NKAIN3: variants seen among roughly 807,000 people sequenced by gnomAD.
NKAIN3 encodes the protein sodium/potassium-transporting ATPase subunit beta-1-interacting protein 3.
Under a neutral mutation model 30.2 loss-of-function variants are expected in NKAIN3, and 25 were observed. The observed-to-expected ratio is 0.83, with a 90% CI of 0.60 to 1.16. The LOEUF (loss-of-function observed/expected upper bound fraction) is 1.16. Ranked by LOEUF, NKAIN3 falls within the 50% of genes most tolerant of loss-of-function variation. NKAIN3 has a pLI of 0.00. For synonymous variants in NKAIN3, 91 were observed against 89.6 expected (o/e 1.02, Z -0.09); for missense variants, 225 against 254.1 (o/e 0.89, Z 0.78).
intron 1 of NKAIN3, among the ~76,000 whole-genome samples, chr8:62,518,013 G>C (rs1031437481): frequency 3.9e-5 from 6 of 152,052 alleles, no homozygotes; most frequent in African/African-American, 1.2e-4. Flanking sequence ...ATTCAGCCAA[G>C]GAAGTTAATT....
At chr8:62,490,504 T>C (rs1563422724) in intron 1 of NKAIN3, among the ~76,000 whole-genome samples, 1 of 152,198 alleles carries the variant, frequency 6.6e-6, no homozygotes, top group East Asian at 1.9e-4. Flanking sequence ...TAATAAGAGA[T>C]GAAGCAATCA....
chr8:62,528,180 A>G (rs1167723113), intron 1 of NKAIN3, among the ~76,000 whole-genome samples: 5 of 149,884 alleles, frequency 3.3e-5, no homozygotes, highest in Admixed American at 2.0e-4. Flanking sequence ...CCTGATATAT[A>G]TATATATACT....
At chr8:62,851,982 G>T (rs1194137483) in intron 4 of NKAIN3, among the ~76,000 whole-genome samples, 1 of 152,050 alleles carries the variant, frequency 6.6e-6, no homozygotes, top group African/African-American at 2.4e-5. Context: ...AAATGAGTTA[G>T]GGAGGATTCC....
intron 1 of NKAIN3, among the ~76,000 whole-genome samples, chr8:62,362,538 G>T (rs1251862695): frequency 6.6e-6 from 1 of 152,168 alleles, no homozygotes; most frequent in Non-Finnish European, 1.5e-5. Flanking sequence ...TGTAAGAGAA[G>T]CAGGCAAGAG....
chr8:62,308,236 G>C (rs1027349322), intron 1 of NKAIN3, among the ~76,000 whole-genome samples: 1 of 150,438 alleles, frequency 6.6e-6, no homozygotes, highest in South Asian at 2.1e-4. Context: ...TCAAAGGCTT[G>C]TTCATATGAC....
At chr8:62,665,575 AT>A (rs1813072891) in intron 3 of NKAIN3, among the ~76,000 whole-genome samples, 1 of 152,210 alleles carries the variant, frequency 6.6e-6, no homozygotes, top group South Asian at 2.1e-4. Context: ...GAACGTGGGC[AT>A]TTTGGTGATT....
intron 5 of NKAIN3, among the ~76,000 whole-genome samples, chr8:62,996,619 C>T (rs1277957167): frequency 1.3e-5 from 2 of 152,186 alleles, no homozygotes; most frequent in Non-Finnish European, 2.9e-5. Context: ...ATGTCCCTTC[C>T]ACCTATGAGC....
chr8:62,491,774 A>C (rs1169251421), intron 1 of NKAIN3, among the ~76,000 whole-genome samples: 1 of 152,158 alleles, frequency 6.6e-6, no homozygotes, highest in African/African-American at 2.4e-5. Context: ...CAGTATTGTC[A>C]GCCTATCTAT....
At chr8:62,935,336 T>C (rs1020627187) in intron 5 of NKAIN3, among the ~76,000 whole-genome samples, 4 of 152,132 alleles carry the variant, frequency 2.6e-5, no homozygotes, top group Admixed American at 2.0e-4. Context: ...CAAAATAAGA[T>C]AAATGTTTAA....
intron 1 of NKAIN3, among the ~76,000 whole-genome samples, chr8:62,511,432 C>T (rs1807810249): frequency 6.6e-6 from 1 of 152,170 alleles, no homozygotes; most frequent in African/African-American, 2.4e-5. Flanking sequence ...CTGGAATAGT[C>T]TTCTTATCCA....
At chr8:62,300,671 A>G (rs190697518) in intron 1 of NKAIN3, among the ~76,000 whole-genome samples, 7 of 152,222 alleles carry the variant, frequency 4.6e-5, no homozygotes, top group African/African-American at 1.7e-4. Flanking sequence ...ACATTTTTGC[A>G]TTTGATGTCA....
intron 5 of NKAIN3, among the ~76,000 whole-genome samples, chr8:62,931,022 A>G (rs1822605177): frequency 6.6e-6 from 1 of 152,146 alleles, no homozygotes; most frequent in Non-Finnish European, 1.5e-5. Context: ...TTACTATTCA[A>G]TCTGTTTAAA....
intron 1 of NKAIN3, among the ~76,000 whole-genome samples, chr8:62,474,705 T>G (rs1045438350): frequency 5.3e-5 from 8 of 152,108 alleles, no homozygotes; most frequent in African/African-American, 9.7e-5. Context: ...ATAAAAACAT[T>G]TTCAGATAAA....
intron 1 of NKAIN3, among the ~76,000 whole-genome samples, chr8:62,342,489 A>T (rs895495788): frequency 2.6e-5 from 4 of 152,014 alleles, no homozygotes; most frequent in African/African-American, 9.7e-5. Flanking sequence ...TTCCTCTGTA[A>T]CAAAAGTGTC....
intron 4 of NKAIN3, among the ~76,000 whole-genome samples, chr8:62,765,050 C>G (rs962146845): frequency 2.6e-5 from 4 of 151,930 alleles, no homozygotes; most frequent in African/African-American, 9.7e-5. Context: ...CGAGTCCAGT[C>G]TGGCCAATAT....
chr8:62,757,763 T>C (rs1280412113), intron 4 of NKAIN3, among the ~76,000 whole-genome samples: 1 of 152,218 alleles, frequency 6.6e-6, no homozygotes, highest in Non-Finnish European at 1.5e-5. Flanking sequence ...CAGTGCCCTT[T>C]GGCTTGAGCA....
chr8:62,856,747 T>C, intron 4 of NKAIN3: 1 of 682,640 alleles, frequency 1.5e-6, no homozygotes, highest in South Asian at 1.7e-5. Context: ...AGCTCTAGAA[T>C]TTATTTTGCA....
intron 1 of NKAIN3, among the ~76,000 whole-genome samples, chr8:62,307,279 A>G (rs1347338994): frequency 6.7e-6 from 1 of 149,602 alleles, no homozygotes; most frequent in Non-Finnish European, 1.5e-5. Flanking sequence ...AAAAAAAAAA[A>G]AAAAAATTCT....
rs555012079 is a variant in NKAIN3 at position 62,358,958 on chromosome 8, G to T, written c.54+109831G>T. On this transcript the variant is annotated intron_variant, in intron 1 of 6. Transcript: ENST00000623646. Reference sequence around the variant, plus strand: ...GCACTTTGGGAGGCCAAGGTGGGTGGATCACGAGGTCAGGAGATTGAGACC... The same window carrying T: ...GCACTTTGGGAGGCCAAGGTGGGTGTATCACGAGGTCAGGAGATTGAGACC... 1.7e-3 allele frequency among the ~76,000 whole-genome samples: 266 copies of T among 152,274 alleles called. 2 individuals carry two copies. The highest frequency in any genetic ancestry group is 0.01 in the Middle Eastern group (3 of 294).
Sources: gnomAD v4.1 joint callset for allele counts (sites outside exome capture counted in the v4.1 genomes callset) on GRCh38, gnomAD v4.1.1 for gene constraint, MANE v1.5 for transcripts, NCBI Gene and HGNC (gene_info 2026-07-23, HGNC 2026-07-21) for gene names.